Variants in PTGES3 observed in about 807,000 individuals in gnomAD.
PTGES3 encodes Hsp90 co-chaperone.
A neutral mutation model predicts 29.9 loss-of-function variants in PTGES3; 5 were observed. The observed-to-expected ratio is 0.17, with a 90% CI of 0.09 to 0.35. The LOEUF is 0.35. Ranked by LOEUF, PTGES3 falls within the 10% of genes least tolerant of loss-of-function variation. The pLI, the probability that PTGES3 is intolerant of heterozygous loss-of-function variation, is 1.00. For synonymous variants in PTGES3, 49 were observed against 57.8 expected (o/e 0.85, Z 0.69); for missense variants, 128 against 190.0 (o/e 0.67, Z 1.92).
intron 1 of PTGES3, among the ~76,000 whole-genome samples, chr12:56,676,994 G>A (rs888348214): frequency 2.0e-5 from 3 of 148,254 alleles, no homozygotes; most frequent in Non-Finnish European, 3.0e-5. Flanking sequence ...TCAGCACTTT[G>A]GGAGGCTGAG....
At chr12:56,668,765 A>G (rs1951878765) in intron 5 of PTGES3, among the ~76,000 whole-genome samples, 1 of 152,232 alleles carries the variant, frequency 6.6e-6, no homozygotes, top group Non-Finnish European at 1.5e-5. Context: ...TACAAAATCT[A>G]GTTAATGAAA....
At position 56,676,388 on chromosome 12, in the gene PTGES3, A is replaced by G. The variant is rs75793249; in HGVS notation, c.3-3323T>C. On this transcript the variant is annotated intron_variant, in intron 1 of 7. Coordinates refer to ENST00000262033, the MANE Select transcript of PTGES3 (RefSeq NM_006601.7). The stretch of plus-strand genomic sequence containing the variant: ...CTCTGTACTTCCAGTTTGTTTTATT[A>G]TATAATCTAAACTAGCTTCTGCATA... 8.0e-3 allele frequency among the ~76,000 whole-genome samples: 1,223 copies of G among 152,196 alleles called. 12 individuals are homozygous for G. Among genetic ancestry groups the G allele is most frequent in the Middle Eastern group, 0.017 (5 of 294 alleles).
intron 1 of PTGES3, among the ~76,000 whole-genome samples, chr12:56,684,434 T>C (rs750218278): frequency 2.2e-4 from 33 of 152,198 alleles, no homozygotes; most frequent in Non-Finnish European, 4.4e-4. Flanking sequence ...ACTCAAGTTA[T>C]AGCAATTAAC....
intron 6 of PTGES3, chr12:56,665,071 C>G: frequency 1.0e-6 from 1 of 985,338 alleles, no homozygotes; most frequent in Non-Finnish European, 1.2e-6. Flanking sequence ...ATTAACCTAT[C>G]TCGGCATTCA....
intron 1 of PTGES3, among the ~76,000 whole-genome samples, chr12:56,674,631 C>T (rs1487535969): frequency 6.6e-6 from 1 of 151,730 alleles, no homozygotes; most frequent in African/African-American, 2.4e-5. Context: ...TTGAGACCAT[C>T]CTGGCTAACA....
rs370067801 is a variant in PTGES3, at chr12:56,670,228, G to A, written c.375+47C>T. The A allele has an allele frequency of 4.0e-6, 5 of 1,250,556 alleles. No individual in the cohort carries two copies. In the African/African-American group the frequency reaches 5.9e-5, roughly 15 times the overall value. The allele number at this position is 1,250,556 out of a possible 1,614,324, so 77.5% of individuals were successfully genotyped here. A position where few individuals can be genotyped will look rare whatever the true frequency, so the allele number is the denominator to read the frequency against. ...CCATATTAAATTGACTACATAGACA[G>A]GTACCGTGTGCTTCGAATGGGGAGA... On this transcript the variant is annotated intron_variant, in intron 5 of 7. Coordinates refer to ENST00000262033, the MANE Select transcript of PTGES3 (RefSeq NM_006601.7).
In PTGES3 at chr12:56,676,675, G is replaced by A. The variant is rs543511000; in HGVS notation, c.3-3610C>T. 5.3e-5 allele frequency among the ~76,000 whole-genome samples: 8 copies of A among 152,190 alleles called. No individual in the cohort carries two copies. In the East Asian group the frequency reaches 1.5e-3, roughly 29 times the overall value. On this transcript the variant is annotated intron_variant, in intron 1 of 7. Transcript: ENST00000262033. ...TAAGTGGGTATGCGTGGTGGTTCAT[G>A]CCTATAATCCCAGCACTTTGGGAGG...
chr12:56,674,841 A>G (rs1333997394), intron 1 of PTGES3, among the ~76,000 whole-genome samples: 4 of 139,926 alleles, frequency 2.9e-5, no homozygotes, highest in African/African-American at 1.1e-4. Context: ...AAAAAAAAAA[A>G]AAAAAAAAAA....
chr12:56,671,501 C>CT (rs1224570564), intron 4 of PTGES3, among the ~76,000 whole-genome samples: 1 of 152,198 alleles, frequency 6.6e-6, no homozygotes, highest in East Asian at 1.9e-4. Flanking sequence ...GCTTTGTCCC[C>CT]TCCCATGTGA....
intron 6 of PTGES3, 101 bp downstream of exon 6, chr12:56,666,100 AAAT>A (rs1254196015): frequency 4.3e-6 from 6 of 1,389,588 alleles, no homozygotes; most frequent in South Asian, 1.7e-5. Context: ...TTTTTTTAGA[AAAT>A]AAGAAGTAAT....
intron 1 of PTGES3, among the ~76,000 whole-genome samples, chr12:56,679,408 C>CA (rs770485836): frequency 0.53 from 34,891 of 65,454 alleles, 9,889 homozygotes; most frequent in East Asian, 0.67. Flanking sequence ...GACTCTGCCT[C>CA]AAAAAAAAAA....
chr12:56,665,284 C>CTTTTT (rs59007550), intron 6 of PTGES3: 6 of 807,382 alleles, frequency 7.4e-6, no homozygotes, highest in African/African-American at 2.4e-5. Flanking sequence ...CAATGTCCAT[C>CTTTTT]TTTTTTTTTT....
At chr12:56,673,485 G>GAA (rs1164653881) in intron 1 of PTGES3, among the ~76,000 whole-genome samples, 4 of 62,872 alleles carry the variant, frequency 6.4e-5, no homozygotes, top group South Asian at 5.5e-4. Flanking sequence ...TACAAATACG[G>GAA]AAAAAAAAAA....
chr12:56,672,084 T>A (rs1030633994), intron 3 of PTGES3, among the ~76,000 whole-genome samples: 9 of 152,076 alleles, frequency 5.9e-5, no homozygotes, highest in African/African-American at 2.2e-4. Context: ...TGCACAACAA[T>A]AAAGTTTAAA....
intron 6 of PTGES3, chr12:56,665,355 G>A (rs1254103945): frequency 5.3e-6 from 5 of 937,340 alleles, no homozygotes; most frequent in Non-Finnish European, 6.3e-6. Context: ...CAGTGCAGTG[G>A]CGAGATCCGG....
intron 5 of PTGES3, among the ~76,000 whole-genome samples, chr12:56,667,376 A>T (rs1951829477): frequency 6.6e-6 from 1 of 152,242 alleles, no homozygotes; most frequent in South Asian, 2.1e-4. Context: ...ATGGAAAAAA[A>T]ATCAAACTTC....
At chr12:56,687,004 T>TC (rs1335975996) in intron 1 of PTGES3, 1 of 43,100 alleles carries the variant, frequency 2.3e-5, no homozygotes, top group Non-Finnish European at 3.9e-5. Flanking sequence ...TAACCTCCCG[T>TC]CAAAAAAAAA....
At chr12:56,680,821 C>CA (rs1952498821) in intron 1 of PTGES3, among the ~76,000 whole-genome samples, 1 of 148,912 alleles carries the variant, frequency 6.7e-6, no homozygotes, top group Admixed American at 6.7e-5. Context: ...CTTTGTCATT[C>CA]AGGCTGGAGT....
Position 56,687,981 on chromosome 12 carries a change from C to T in PTGES3, c.2+17G>A, listed in dbSNP as rs574785198. 1.9e-6 allele frequency: 3 copies of T among 1,599,834 alleles called. No homozygotes were observed. The highest frequency in any genetic ancestry group is 4.6e-5 in the East Asian group (2 of 43,114). On this transcript the variant is annotated intron_variant, in intron 1 of 7. Transcript: ENST00000262033. ...GCCTCACTCGGCGACCTTCCCTCGGCGGGGTGTCGCACTCACATTGTGAAC... is the reference window on the plus strand; with the variant it reads ...GCCTCACTCGGCGACCTTCCCTCGGTGGGGTGTCGCACTCACATTGTGAAC...
Sources: gnomAD v4.1 joint callset for allele counts (sites outside exome capture counted in the v4.1 genomes callset) on GRCh38, gnomAD v4.1.1 for gene constraint, MANE v1.5 for transcripts, NCBI Gene and HGNC (gene_info 2026-07-23, HGNC 2026-07-21) for gene names.